Variants in DNAJC13 observed in about 807,000 individuals in gnomAD.
DNAJC13 encodes the protein dnaJ homolog subfamily C member 13.
In DNAJC13, 75 loss-of-function variants were observed where a neutral mutation model predicts 290.5. That is an observed-to-expected ratio of 0.26 (90% CI 0.21 to 0.31). The LOEUF is 0.31. Ranked by LOEUF, DNAJC13 falls within the 10% of genes least tolerant of loss-of-function variation. DNAJC13 has a pLI of 1.00. For missense variants in DNAJC13, 2,260 were observed against 2,674.5 expected, an observed-to-expected ratio of 0.85 and a Z score of 3.42; for synonymous variants, 862 against 892.0, an observed-to-expected ratio of 0.97 and a Z score of 0.60.
chr3:132,473,916 C>T (rs1157674283), intron 21 of DNAJC13, among the ~76,000 whole-genome samples: 11 of 152,120 alleles, frequency 7.2e-5, no homozygotes, highest in Admixed American at 7.2e-4. Context: ...TTGTGTTGCG[C>T]CCCATAGAAC....
chr3:132,421,484 A>G (rs1308397272), intron 1 of DNAJC13, among the ~76,000 whole-genome samples: 7 of 152,214 alleles, frequency 4.6e-5, no homozygotes, highest in South Asian at 4.1e-4. Flanking sequence ...GTGAGAGACA[A>G]TCTTGCTCTG....
Position 132,479,307 on chromosome 3 carries a change from A to G in DNAJC13, c.2772+18A>G. The G allele has an allele frequency of 6.6e-7, 1 of 1,523,438 alleles. No individual in the cohort carries two copies. 94.4% of individuals were successfully genotyped at this position (1,523,438 alleles called of 1,614,324 possible). ...TTAATAAGGTACAGTAGTTTCGCAT[A>G]CATACATTGTTATTTCCAAGTCATA... On this transcript the variant is annotated intron_variant, in intron 25 of 55. Transcript: ENST00000260818.
intron 24 of DNAJC13, among the ~76,000 whole-genome samples, chr3:132,478,581 C>T (rs1355972654): frequency 6.6e-6 from 1 of 152,108 alleles, no homozygotes; most frequent in African/African-American, 2.4e-5. Context: ...CTTGAGTTAG[C>T]ACTCTACAAA....
rs761357679 is a variant in DNAJC13, at chr3:132,434,525, T to G, written c.-13-13T>G. 6.3e-7 allele frequency: 1 copy of G among 1,593,828 alleles called. No individual in the cohort carries two copies. The highest frequency in any genetic ancestry group is 2.2e-5 in the East Asian group (1 of 44,704). Reference sequence around the variant, plus strand: ...TAACATGTACTAAGTGCCCTCATATTTTTATCTTCCAGGTTTGAGCACAAA... The same window carrying G: ...TAACATGTACTAAGTGCCCTCATATGTTTATCTTCCAGGTTTGAGCACAAA... On this transcript the variant is annotated splice_polypyrimidine_tract_variant and intron_variant, in intron 1 of 55. Coordinates refer to ENST00000260818, the MANE Select transcript of DNAJC13 (RefSeq NM_015268.4).
intron 1 of DNAJC13, among the ~76,000 whole-genome samples, chr3:132,429,079 T>C (rs1423180881): frequency 6.6e-6 from 1 of 152,226 alleles, no homozygotes; most frequent in Admixed American, 6.5e-5. Flanking sequence ...ATTTTGAAAG[T>C]TTATTTATAG....
intron 13 of DNAJC13, chr3:132,458,263 C>T (rs1002127769): frequency 1.3e-5 from 2 of 152,106 alleles, no homozygotes; most frequent in Non-Finnish European, 2.9e-5. Context: ...TGTGTAGTAC[C>T]TGGGACTTTT....
At chr3:132,512,985 A>T (rs1218488534) in intron 44 of DNAJC13, 23 bp from the exon 45 acceptor site, 1 of 1,589,240 alleles carries the variant, frequency 6.3e-7, no homozygotes. Flanking sequence ...CTGGAAGTAA[A>T]CCATTTTATT....
At chr3:132,531,205 C>CCAAGG (rs1936405764) in intron 55 of DNAJC13, 108 bp downstream of exon 55, 2 of 892,070 alleles carry the variant, frequency 2.2e-6, no homozygotes, top group Non-Finnish European at 3.6e-6. Context: ...TCTTAGGCTA[C>CCAAGG]CAGCTGACCT....
intron 20 of DNAJC13, among the ~76,000 whole-genome samples, chr3:132,472,300 C>G (rs770192819): frequency 6.6e-6 from 1 of 152,204 alleles, no homozygotes; most frequent in Non-Finnish European, 1.5e-5. Flanking sequence ...TTTAAGAATT[C>G]TTGAAATCTT....
intron 1 of DNAJC13, among the ~76,000 whole-genome samples, chr3:132,428,170 A>T (rs1284544283): frequency 6.6e-6 from 1 of 152,176 alleles, no homozygotes; most frequent in East Asian, 1.9e-4. Context: ...TCTTGAAATT[A>T]TTCTACCTCT....
chr3:132,505,355 T>A lies in DNAJC13; in HGVS notation c.4938T>A (p.Asn1646Lys). 1 of 1,611,760 alleles carries A rather than the reference T, an allele frequency of 6.2e-7. No homozygotes were observed. Among genetic ancestry groups the A allele is most frequent in the South Asian group, 1.1e-5 (1 of 90,752 alleles). The change falls in exon 42 of 56, where the codon AAT becomes AAA. Residue 1646 changes from asparagine (N) to lysine (K), a missense_variant. This residue lies in a region of DNAJC13 where 1,494 missense variants were observed against 1,693.7 expected (regional missense o/e 0.88). Coordinates refer to ENST00000260818, the MANE Select transcript of DNAJC13 (RefSeq NM_015268.4). ...AAAGTCCATATTTGATATGGAACAA[T>A]TCTACAAGAGCAGAATTACTTGAAT... is the stretch of plus-strand genomic sequence containing the variant. Reference protein sequence around the residue: ...NTESPYLIWNNSTRAELLEFL... With the variant: ...NTESPYLIWNKSTRAELLEFL...
intron 1 of DNAJC13, among the ~76,000 whole-genome samples, chr3:132,424,151 T>C (rs984726178): frequency 6.6e-6 from 1 of 152,172 alleles, no homozygotes; most frequent in Non-Finnish European, 1.5e-5. Flanking sequence ...TTCAAAGCAT[T>C]GCTTAAGTGA....
chr3:132,493,961 C>T (rs1451220707), intron 33 of DNAJC13, among the ~76,000 whole-genome samples, 183 bp from the exon 34 acceptor site: 1 of 151,918 alleles, frequency 6.6e-6, no homozygotes, highest in African/African-American at 2.4e-5. Flanking sequence ...GTAACAAATA[C>T]CTTGCTCTGC....
In DNAJC13 at chr3:132,526,207, G is replaced by T. The variant is rs755119929; in HGVS notation, c.6307G>T (p.Ala2103Ser). Residue 2103 changes from alanine to serine, a missense_variant, in exon 53 of 56, where the codon GCA (alanine) becomes TCA (serine). Physicochemically the swap from Ala to Ser is moderately conservative, Grantham distance 99 (BLOSUM62 1). This residue lies in a region of DNAJC13 where 1,494 missense variants were observed against 1,693.7 expected (regional missense o/e 0.88). Transcript: ENST00000260818. ...ACTGATGAATGGAATGAAAAAGCGA[G>T]CAGATACTGTTGGTCTAGCCTGTGA... is the stretch of plus-strand genomic sequence containing the variant. The part of the protein sequence containing the change: ...GPLMNGMKKR[A>S]DTVGLACEAI... 2 of 1,614,080 alleles carry T rather than the reference G, an allele frequency of 1.2e-6. No individual in the cohort carries two copies. The highest frequency in any genetic ancestry group is 1.7e-6 in the Non-Finnish European group (2 of 1,179,998).
intron 44 of DNAJC13, among the ~76,000 whole-genome samples, chr3:132,511,726 G>C (rs1189767647): frequency 6.6e-6 from 1 of 152,098 alleles, no homozygotes; most frequent in African/African-American, 2.4e-5. Flanking sequence ...TCATCTTTAA[G>C]AGGACATTTC....
At position 132,526,094 on chromosome 3, in the gene DNAJC13, T is replaced by C. The variant is rs369325220; in HGVS notation, c.6241-47T>C. 6.2e-6 allele frequency: 10 copies of C among 1,606,024 alleles called. No homozygotes were observed. The South Asian group carries it at 1.0e-4, about 16-fold the overall frequency. On this transcript the variant is annotated intron_variant, in intron 52 of 55. Transcript: ENST00000260818. ...TTTTGTTATGGTATTTACTATGTTATATAAATATTGCCAGTCTACAAGTAA... is the reference window on the plus strand; with the variant it reads ...TTTTGTTATGGTATTTACTATGTTACATAAATATTGCCAGTCTACAAGTAA...
chr3:132,516,589 C>T (rs981244523), intron 47 of DNAJC13, 93 bp downstream of exon 47: 2 of 1,531,690 alleles, frequency 1.3e-6, no homozygotes, highest in South Asian at 1.2e-5. Context: ...TAGAAGAATG[C>T]TTTGGAATGT....
intron 53 of DNAJC13, among the ~76,000 whole-genome samples, chr3:132,527,807 C>T (rs988825442): frequency 2.0e-5 from 3 of 152,154 alleles, no homozygotes; most frequent in Non-Finnish European, 4.4e-5. Context: ...TGAAAAAATA[C>T]TAATGTATTT....
At chr3:132,464,681 A>G (rs1334461522) in intron 17 of DNAJC13, among the ~76,000 whole-genome samples, 1 of 152,168 alleles carries the variant, frequency 6.6e-6, no homozygotes, top group Admixed American at 6.5e-5. Flanking sequence ...AACTAGTCTT[A>G]GAGGATAAAG....
Sources: allele counts gnomAD v4.1 joint callset (sites outside exome capture counted in the v4.1 genomes callset), GRCh38; gene constraint gnomAD v4.1.1; regional missense constraint gnomAD v4.1.1; transcripts MANE v1.5; gene names NCBI Gene and HGNC (gene_info 2026-07-23, HGNC 2026-07-21).